Variants in GPC6 observed in about 807,000 individuals in gnomAD.
GPC6 encodes glypican-6.
Under a neutral mutation model 55.2 loss-of-function variants are expected in GPC6, and 14 were observed. The ratio of observed to expected loss-of-function variants is 0.25; its 90% confidence interval spans 0.17 to 0.40. The LOEUF (loss-of-function observed/expected upper bound fraction) is 0.40, where lower values mean the gene tolerates loss of function less well. GPC6 is among the 10% of genes least tolerant of loss of function. GPC6 has a pLI of 1.00. For missense variants in GPC6, 641 were observed against 708.5 expected, an observed-to-expected ratio of 0.90 and a Z score of 1.08; for synonymous variants, 278 against 259.6, an observed-to-expected ratio of 1.07 and a Z score of -0.68.
chr13:93,925,291 C>G (rs1341185228), intron 3 of GPC6, among the ~76,000 whole-genome samples: 6 of 151,684 alleles, frequency 4.0e-5, no homozygotes, highest in African/African-American at 1.5e-4. Context: ...TTTTTTTAAT[C>G]CTAGTGTAGA....
chr13:93,231,361 G>GTGTA (rs1491309181), intron 1 of GPC6, among the ~76,000 whole-genome samples: 8 of 86,214 alleles, frequency 9.3e-5, no homozygotes, highest in Non-Finnish European at 1.6e-4. Context: ...ATATATATAC[G>GTGTA]TATATATATA....
At chr13:93,877,363 G>A (rs9524265) in intron 3 of GPC6, among the ~76,000 whole-genome samples, 39,837 of 151,726 alleles carry the variant, frequency 0.26, 5,776 homozygotes, top group Non-Finnish European at 0.32. Context: ...ATGTTGGGAG[G>A]CATTATTTAT....
intron 4 of GPC6, among the ~76,000 whole-genome samples, chr13:94,030,351 A>C (rs1373366155): frequency 6.6e-6 from 1 of 151,944 alleles, no homozygotes; most frequent in Non-Finnish European, 1.5e-5. Context: ...TCTTTGAGAA[A>C]ATTCTTCCAG....
Position 94,338,898 on chromosome 13 carries a change from C to G in GPC6, c.1152+32775C>G, listed in dbSNP as rs898164592. Among the ~76,000 whole-genome samples the G allele has an allele frequency of 8.0e-4, 121 of 152,186 alleles. 1 individual carries two copies. The highest frequency in any genetic ancestry group is 2.8e-3 in the African/African-American group (117 of 41,528). On this transcript the variant is annotated intron_variant, in intron 6 of 8. Coordinates refer to ENST00000377047, the MANE Select transcript of GPC6 (RefSeq NM_005708.5). ...ATGGCCCTAATATCGAGCTGGTCAG[C>G]TTTCTATCTTGCCATTGCCCATAGC...
chr13:94,072,259 A>G (rs1294987202), intron 4 of GPC6, among the ~76,000 whole-genome samples: 1 of 152,246 alleles, frequency 6.6e-6, no homozygotes, highest in Non-Finnish European at 1.5e-5. Flanking sequence ...ATGAAGATGG[A>G]AAACCATAAC....
chr13:93,574,149 C>T (rs1483692166), intron 2 of GPC6, among the ~76,000 whole-genome samples: 1 of 151,976 alleles, frequency 6.6e-6, no homozygotes, highest in Non-Finnish European at 1.5e-5. Context: ...AATTGTGTCT[C>T]CCAAAAAGGT....
chr13:93,976,202 C>T (rs184312213), intron 3 of GPC6, among the ~76,000 whole-genome samples: 177 of 152,096 alleles, frequency 1.2e-3, no homozygotes, highest in Middle Eastern at 0.01. Flanking sequence ...CTTTGTTGCC[C>T]TAGTATATTA....
chr13:94,018,408 G>A (rs2138708489), intron 3 of GPC6, among the ~76,000 whole-genome samples: 1 of 151,954 alleles, frequency 6.6e-6, no homozygotes, highest in East Asian at 1.9e-4. Context: ...TCCTGCCTCA[G>A]CCTCCCGAGT....
At chr13:94,367,301 G>A (rs1879326642) in intron 6 of GPC6, among the ~76,000 whole-genome samples, 2 of 152,212 alleles carry the variant, frequency 1.3e-5, no homozygotes, top group African/African-American at 4.8e-5. Flanking sequence ...CTTTGACTTG[G>A]TCTGGATTCC....
At position 93,721,038 on chromosome 13, in the gene GPC6, G is replaced by A. The variant is rs577038703; in HGVS notation, c.320-109116G>A. Among the ~76,000 whole-genome samples the A allele has an allele frequency of 5.9e-5, 9 of 152,144 alleles. No individual in the cohort carries two copies. The East Asian group carries it at 1.7e-3, about 30-fold the overall frequency. On this transcript the variant is annotated intron_variant, in intron 2 of 8. Coordinates refer to ENST00000377047, the MANE Select transcript of GPC6 (RefSeq NM_005708.5). ...TGATGCTAAGAAAAATGTATATTCT[G>A]TTGATTTAGGATGGAGAGTTCTGTA... is the stretch of plus-strand genomic sequence containing the variant.
At chr13:94,206,057 T>C (rs1889893328) in intron 4 of GPC6, among the ~76,000 whole-genome samples, 2 of 152,170 alleles carry the variant, frequency 1.3e-5, no homozygotes, top group Non-Finnish European at 2.9e-5. Context: ...CAAATTTCGA[T>C]AGGGCTGAGG....
chr13:94,337,600 A>G (rs1398401946), intron 6 of GPC6, among the ~76,000 whole-genome samples: 2 of 152,004 alleles, frequency 1.3e-5, no homozygotes, highest in Non-Finnish European at 2.9e-5. Context: ...GGTGTGCACC[A>G]CCACATCTGG....
intron 1 of GPC6, among the ~76,000 whole-genome samples, chr13:93,446,544 G>GA (rs1015725911): frequency 6.6e-6 from 1 of 152,104 alleles, no homozygotes; most frequent in African/African-American, 2.4e-5. Context: ...TTGTACACAT[G>GA]AAAAAGCAGC....
chr13:93,276,643 TG>T (rs1220555826), intron 1 of GPC6, among the ~76,000 whole-genome samples: 1 of 150,756 alleles, frequency 6.6e-6, no homozygotes, highest in Non-Finnish European at 1.5e-5. Flanking sequence ...AAATATAGGG[TG>T]GGGGTAAGGC....
intron 4 of GPC6, among the ~76,000 whole-genome samples, chr13:94,089,514 C>G (rs1885405164): frequency 6.6e-6 from 1 of 152,104 alleles, no homozygotes; most frequent in African/African-American, 2.4e-5. Flanking sequence ...TTCTGAGATA[C>G]CTGGACAAAG....
At chr13:93,423,081 G>T (rs140259395) in intron 1 of GPC6, among the ~76,000 whole-genome samples, 1 of 152,158 alleles carries the variant, frequency 6.6e-6, no homozygotes, top group Non-Finnish European at 1.5e-5. Context: ...TAGCCCAGTG[G>T]CATGGGGCAA....
At chr13:94,059,782 A>G (rs911253378) in intron 4 of GPC6, among the ~76,000 whole-genome samples, 19 of 151,790 alleles carry the variant, frequency 1.3e-4, no homozygotes, top group African/African-American at 4.6e-4. Flanking sequence ...GGCCTCTTTC[A>G]TGAAAGAGTG....
At chr13:93,919,706 C>T (rs751364193) in intron 3 of GPC6, among the ~76,000 whole-genome samples, 6 of 152,092 alleles carry the variant, frequency 3.9e-5, no homozygotes, top group Non-Finnish European at 7.4e-5. Flanking sequence ...TAGCATAAAC[C>T]GAAAATGCTG....
At chr13:94,268,210 T>A (rs1333776709) in intron 4 of GPC6, among the ~76,000 whole-genome samples, 1 of 152,240 alleles carries the variant, frequency 6.6e-6, no homozygotes, top group South Asian at 2.1e-4. Context: ...CAGAGCTTCA[T>A]AGACTTTAGA....
Sources: gnomAD v4.1 joint callset for allele counts (sites outside exome capture counted in the v4.1 genomes callset) on GRCh38, gnomAD v4.1.1 for gene constraint, MANE v1.5 for transcripts, NCBI Gene and HGNC (gene_info 2026-07-23, HGNC 2026-07-21) for gene names.